GRID2IP: variants seen among roughly 807,000 people sequenced by gnomAD.
GRID2IP encodes the protein Grid2 interacting protein.
Under a neutral mutation model 114.3 loss-of-function variants are expected in GRID2IP, and 78 were observed. That is an observed-to-expected ratio of 0.68 (90% CI 0.57 to 0.82). The LOEUF (loss-of-function observed/expected upper bound fraction) is 0.82. Ranked by LOEUF, GRID2IP falls within the 40% of genes least tolerant of loss-of-function variation. The probability of loss-of-function intolerance (pLI) is 0.00; values close to 1 mark genes in which losing one functional copy is unlikely to be tolerated. For synonymous variants in GRID2IP, 809 were observed against 724.0 expected, an observed-to-expected ratio of 1.12 and a Z score of -1.89; for missense variants, 1,727 against 1,678.5, an observed-to-expected ratio of 1.03 and a Z score of -0.51.
intron 8 of GRID2IP, among the ~76,000 whole-genome samples, chr7:6,511,859 C>G (rs1467587284): frequency 6.6e-6 from 1 of 151,864 alleles, no homozygotes; most frequent in East Asian, 1.9e-4. Context: ...CCTTCTCTTC[C>G]TTCTCTCACT....
intron 2 of GRID2IP, among the ~76,000 whole-genome samples, chr7:6,533,024 C>A (rs1290079240): frequency 6.6e-6 from 1 of 152,206 alleles, no homozygotes; most frequent in Non-Finnish European, 1.5e-5. Flanking sequence ...GCTTAAGTTT[C>A]CTCCAGAGCT....
Position 6,521,634 on chromosome 7 carries a change from G to A in GRID2IP, c.990-111C>T, listed in dbSNP as rs147482929. The A allele has an allele frequency of 1.7e-4, 125 of 735,630 alleles. No homozygotes were observed. The highest frequency in any genetic ancestry group is 2.6e-4 in the Non-Finnish European group (116 of 442,866). 45.6% of individuals were successfully genotyped at this position (735,630 alleles called of 1,614,324 possible). A position where few individuals can be genotyped will look rare whatever the true frequency, so the allele number is the denominator to read the frequency against. On this transcript the variant is annotated intron_variant, in intron 5 of 21. Transcript: ENST00000457091. The surrounding 1 kb of genome is among the most constrained non-coding windows in gnomAD (Gnocchi z 4.1). ...GAGGTCACACAGCAAGACCACCTCTGTGTGACTCTGTGTCCCCAGCATGGA... is the reference window on the plus strand; with the variant it reads ...GAGGTCACACAGCAAGACCACCTCTATGTGACTCTGTGTCCCCAGCATGGA...
rs1396078248 is a variant in GRID2IP, at chr7:6,503,041, GA to G, written c.3029del (p.Leu1010ProfsTer39). ...LECLRQASLE[L>X]KNSRKLAKIL... ...TCTTGGCGAGCTTCCGACTGTTTTTGAGCTCCAGGGAGGCCTGGCGCAAGCA... is the reference window on the plus strand; with the variant it reads ...TCTTGGCGAGCTTCCGACTGTTTTTGGCTCCAGGGAGGCCTGGCGCAAGCA... On this transcript the variant is annotated frameshift_variant, in exon 17 of 22. Transcript: ENST00000457091. LOFTEE classifies it high-confidence loss of function. 6.4e-7 allele frequency: 1 copy of G among 1,551,550 alleles called. No homozygotes were observed.
rs540414081 is a variant in GRID2IP at position 6,526,488 on chromosome 7, C to T, written c.833+33G>A. On this transcript the variant is annotated intron_variant, in intron 3 of 21. Coordinates refer to ENST00000457091, the MANE Select transcript of GRID2IP (RefSeq NM_001145118.2). This position sits in a 1 kb window ranked among gnomAD's most constrained non-coding sequence, Gnocchi z 7.6. Reference sequence around the variant, plus strand: ...GGTCCCGAGCCCACCCGCAGGGAGGCGCCCGCTGCCAGTGCCTGTGAGCCC... The same window carrying T: ...GGTCCCGAGCCCACCCGCAGGGAGGTGCCCGCTGCCAGTGCCTGTGAGCCC... 8 of 1,371,332 alleles carry T rather than the reference C, an allele frequency of 5.8e-6. No individual in the cohort carries two copies. The South Asian group carries it at 7.0e-5, about 12-fold the overall frequency. The allele number at this position is 1,371,332 out of a possible 1,614,324, so 84.9% of individuals were successfully genotyped here. A position where few individuals can be genotyped will look rare whatever the true frequency, so the allele number is the denominator to read the frequency against.
At chr7:6,527,883 C>T (rs939290371) in intron 2 of GRID2IP, among the ~76,000 whole-genome samples, 2 of 151,968 alleles carry the variant, frequency 1.3e-5, no homozygotes, top group African/African-American at 2.4e-5. Flanking sequence ...CTCAGCCTCC[C>T]GAGTAGCTGG....
In GRID2IP at chr7:6,523,465, C is replaced by T. The variant is rs1218337294; in HGVS notation, c.920-1508G>A. Reference sequence around the variant, plus strand: ...AGAGCCTCTCCAGGCCTCAGTTTCCCCATCTGTAAAAGCTTCCATCTAAGC... The same window carrying T: ...AGAGCCTCTCCAGGCCTCAGTTTCCTCATCTGTAAAAGCTTCCATCTAAGC... On this transcript the variant is annotated intron_variant, in intron 4 of 21. Coordinates refer to ENST00000457091, the MANE Select transcript of GRID2IP (RefSeq NM_001145118.2). This position sits in a 1 kb window ranked among gnomAD's most constrained non-coding sequence, Gnocchi z 4.5. 1.3e-5 allele frequency among the ~76,000 whole-genome samples: 2 copies of T among 152,132 alleles called. No homozygotes were observed. Among genetic ancestry groups the T allele is most frequent in the Non-Finnish European group, 2.9e-5 (2 of 68,034 alleles).
chr7:6,549,171 G>A (rs1443109637), intron 1 of GRID2IP, among the ~76,000 whole-genome samples: 4 of 152,122 alleles, frequency 2.6e-5, no homozygotes, highest in African/African-American at 7.2e-5. Context: ...ACCATGTCAC[G>A]TCCCAGGTTT....
At position 6,507,436 on chromosome 7, in the gene GRID2IP, T is replaced by C. The variant is rs1443101399; in HGVS notation, c.2544+549A>G. 3.3e-5 allele frequency among the ~76,000 whole-genome samples: 5 copies of C among 150,544 alleles called. 1 individual carries two copies. In the East Asian group the frequency reaches 9.8e-4, roughly 29 times the overall value. ...TTCATCTTGCAGATTGGTTGGTCTGTGGATAAGATTGCTCTGCCCGATTTT... is the reference window on the plus strand; with the variant it reads ...TTCATCTTGCAGATTGGTTGGTCTGCGGATAAGATTGCTCTGCCCGATTTT... On this transcript the variant is annotated intron_variant, in intron 13 of 21. Transcript: ENST00000457091. The surrounding 1 kb of genome is among the most constrained non-coding windows in gnomAD (Gnocchi z 5.3).
At chr7:6,501,690 G>T in intron 20 of GRID2IP, 91 bp downstream of exon 20, 2 of 872,836 alleles carry the variant, frequency 2.3e-6, no homozygotes, top group African/African-American at 1.7e-5. Flanking sequence ...GCTGGAAGTC[G>T]AGGTCTCCAG....
In GRID2IP at chr7:6,551,166, G is replaced by C; in HGVS notation, c.271C>G (p.Pro91Ala). The C allele has an allele frequency of 7.4e-7, 1 of 1,357,658 alleles. No homozygotes were observed. The highest frequency in any genetic ancestry group is 1.7e-5 in the South Asian group (1 of 59,046). The allele number at this position is 1,357,658 out of a possible 1,614,324, so 84.1% of individuals were successfully genotyped here. The change falls in exon 1 of 22, where the codon CCA (proline) becomes GCA (alanine). Residue 91 changes from proline to alanine, a missense_variant. By Grantham distance (27) the Pro-to-Ala change is conservative (BLOSUM62 -1). Transcript: ENST00000457091. ...VLPAPDGGPG[P>A]GSGPAAPTTV... ...GTCGGGGCCGCGGGGCCGGATCCTG[G>C]GCCGGGGCCACCGTCGGGAGCCGGG...
At chr7:6,538,524 G>A (rs1256503717) in intron 2 of GRID2IP, among the ~76,000 whole-genome samples, 2 of 150,044 alleles carry the variant, frequency 1.3e-5, no homozygotes, top group Non-Finnish European at 2.9e-5. Flanking sequence ...CCAAGATCAT[G>A]GCACTGCCCT....
intron 2 of GRID2IP, among the ~76,000 whole-genome samples, chr7:6,533,518 C>T (rs1011698447): frequency 2.0e-5 from 3 of 151,926 alleles, no homozygotes; most frequent in Non-Finnish European, 4.4e-5. Flanking sequence ...ACCACTATGC[C>T]TGGCTAATTT....
At chr7:6,524,758 C>T (rs1583346165) in intron 4 of GRID2IP, among the ~76,000 whole-genome samples, 1 of 151,446 alleles carries the variant, frequency 6.6e-6, no homozygotes, top group Admixed American at 6.6e-5. Context: ...ACTCTGTCGC[C>T]CAGGCTGGAG....
Position 6,536,522 on chromosome 7 carries a change from G to C in GRID2IP, c.584+3196C>G, listed in dbSNP as rs1267323481. On this transcript the variant is annotated intron_variant, in intron 2 of 21. Coordinates refer to ENST00000457091, the MANE Select transcript of GRID2IP (RefSeq NM_001145118.2). This position sits in a 1 kb window ranked among gnomAD's most constrained non-coding sequence, Gnocchi z 5.3. Reference sequence around the variant, plus strand: ...TCCCGGGGGGCAGGCGGGCTGGCCCGGGAGGGGGCAGGAACAGACACCGGC... The same window carrying C: ...TCCCGGGGGGCAGGCGGGCTGGCCCCGGAGGGGGCAGGAACAGACACCGGC... Among the ~76,000 whole-genome samples the C allele has an allele frequency of 6.6e-6, 1 of 152,094 alleles. No individual in the cohort carries two copies. Among genetic ancestry groups the C allele is most frequent in the Non-Finnish European group, 1.5e-5 (1 of 67,988 alleles).
intron 2 of GRID2IP, 119 bp downstream of exon 2, chr7:6,539,599 A>G: frequency 4.3e-6 from 4 of 937,550 alleles, no homozygotes; most frequent in Non-Finnish European, 6.2e-6. Flanking sequence ...GTTCAAGAGC[A>G]GGCTACCATC....
At chr7:6,510,261 A>G in intron 11 of GRID2IP, 22 bp downstream of exon 11, 1 of 1,468,226 alleles carries the variant, frequency 6.8e-7, no homozygotes, top group Non-Finnish European at 9.3e-7. Context: ...CAGACAGTAG[A>G]TGACAGAGGC....
At position 6,551,382 on chromosome 7, in the gene GRID2IP, A is replaced by G. The variant is rs1779979555; in HGVS notation, c.55T>C (p.Phe19Leu). The G allele has an allele frequency of 3.2e-6, 5 of 1,548,018 alleles. No individual in the cohort carries two copies. The highest frequency in any genetic ancestry group is 4.4e-6 in the Non-Finnish European group (5 of 1,145,844). Residue 19 changes from phenylalanine (F) to leucine (L), a missense_variant, in exon 1 of 22, where the codon TTC (phenylalanine) becomes CTC (leucine). Phe to Leu is a conservative substitution (Grantham distance 22). Coordinates refer to ENST00000457091, the MANE Select transcript of GRID2IP (RefSeq NM_001145118.2). ...TNQGWPEDFGFRLGGSGPCFV... is the reference protein window; with the variant it reads ...TNQGWPEDFGLRLGGSGPCFV... ...CAGGGGCCAGAGCCACCTAGCCGGA[A>G]GCCAAAGTCCTCTGGCCAGCCCTGG...
At chr7:6,545,755 A>G (rs966858892) in intron 1 of GRID2IP, among the ~76,000 whole-genome samples, 25 of 152,190 alleles carry the variant, frequency 1.6e-4, no homozygotes, top group Admixed American at 1.5e-3. Flanking sequence ...GGACTGAATC[A>G]AAAAGCAGCC....
At position 6,526,297 on chromosome 7, in the gene GRID2IP, G is replaced by C; in HGVS notation, c.846C>G (p.Val282=). ...GPGGARRTVR[V]YKGNKSFGFT... ...AGCCGAAGCTCTTGTTGCCTTTGTA[G>C]ACTCGGACAGTCCTGGGGGAAAAAG... The change falls in exon 4 of 22, where the codon GTC becomes GTG. Residue 282 remains valine (V), a synonymous_variant. Coordinates refer to ENST00000457091, the MANE Select transcript of GRID2IP (RefSeq NM_001145118.2). The surrounding 1 kb of genome is among the most constrained non-coding windows in gnomAD (Gnocchi z 7.6). 1 of 1,551,926 alleles carries C rather than the reference G, an allele frequency of 6.4e-7. No individual in the cohort carries two copies. The highest frequency in any genetic ancestry group is 1.2e-5 in the South Asian group (1 of 84,054).
Sources: gnomAD v4.1 joint callset for allele counts (sites outside exome capture counted in the v4.1 genomes callset) on GRCh38, gnomAD v4.1.1 for gene constraint, Gnocchi (gnomAD v3.1) non-coding constraint, MANE v1.5 for transcripts, NCBI Gene and HGNC (gene_info 2026-07-23, HGNC 2026-07-21) for gene names.